NRXN3: variants seen among roughly 807,000 people sequenced by gnomAD.
The protein encoded by NRXN3 is neurexin III.
NRXN3 carries 32 observed loss-of-function variants against 137.6 expected under a neutral mutation model. The ratio of observed to expected loss-of-function variants is 0.23; its 90% CI spans 0.18 to 0.31. The LOEUF (loss-of-function observed/expected upper bound fraction) is 0.31, where lower values mean the gene tolerates loss of function less well. Ranked by LOEUF, NRXN3 falls within the 10% of genes least tolerant of loss-of-function variation. The probability of loss-of-function intolerance (pLI) is 1.00; values close to 1 mark genes in which losing one functional copy is unlikely to be tolerated. For missense variants in NRXN3, 1,574 were observed against 2,062.5 expected (o/e 0.76, Z 4.59); for synonymous variants, 798 against 784.5 (o/e 1.02, Z -0.29).
chr14:78,760,093 G>A (rs2098687235), intron 8 of NRXN3, among the ~76,000 whole-genome samples: 1 of 143,522 alleles, frequency 7.0e-6, no homozygotes, highest in South Asian at 2.3e-4. Flanking sequence ...CCTGGCTGGA[G>A]TGCAACGGAA....
At chr14:79,286,110 A>C (rs2082209323) in intron 15 of NRXN3, among the ~76,000 whole-genome samples, 1 of 152,120 alleles carries the variant, frequency 6.6e-6, no homozygotes, top group South Asian at 2.1e-4. Flanking sequence ...TCTGTGACTG[A>C]GTCCAGATCT....
chr14:79,231,905 G>T (rs1225902995), intron 15 of NRXN3, among the ~76,000 whole-genome samples: 1 of 152,142 alleles, frequency 6.6e-6, no homozygotes, highest in Non-Finnish European at 1.5e-5. Flanking sequence ...GGTCTAGGGG[G>T]TGATAGGAGA....
intron 16 of NRXN3, among the ~76,000 whole-genome samples, chr14:79,616,761 T>C (rs1030517924): frequency 6.6e-6 from 1 of 152,196 alleles, no homozygotes; most frequent in Non-Finnish European, 1.5e-5. Context: ...GGATCTGCCA[T>C]TGAAATTCAT....
chr14:78,461,122 T>A (rs1047330169), intron 4 of NRXN3, among the ~76,000 whole-genome samples: 16 of 152,344 alleles, frequency 1.1e-4, no homozygotes, highest in African/African-American at 3.6e-4. Context: ...TGTTTTCAAA[T>A]GTTCTAATAC....
intron 19 of NRXN3, among the ~76,000 whole-genome samples, chr14:79,714,276 A>C (rs1015839391): frequency 3.3e-5 from 5 of 152,224 alleles, no homozygotes; most frequent in African/African-American, 4.8e-5. Flanking sequence ...AAATAATTAC[A>C]CTAGGTACAA....
intron 4 of NRXN3, among the ~76,000 whole-genome samples, chr14:78,505,370 T>C (rs1039810033): frequency 3.9e-5 from 6 of 152,158 alleles, no homozygotes; most frequent in Non-Finnish European, 8.8e-5. Context: ...TCTTTGTAAT[T>C]CCATCAAGGA....
intron 10 of NRXN3, among the ~76,000 whole-genome samples, chr14:78,938,499 T>G (rs577083140): frequency 2.0e-4 from 31 of 152,334 alleles, no homozygotes; most frequent in African/African-American, 7.5e-4. Flanking sequence ...CAAACTCTCC[T>G]GACACCATCA....
chr14:79,328,997 T>C (rs1315146461), intron 15 of NRXN3, among the ~76,000 whole-genome samples: 2 of 152,208 alleles, frequency 1.3e-5, no homozygotes, highest in African/African-American at 4.8e-5. Context: ...GGTCAATTCA[T>C]GGAAGTAACA....
At chr14:79,674,876 A>C (rs1338141878) in intron 17 of NRXN3, among the ~76,000 whole-genome samples, 1 of 152,098 alleles carries the variant, frequency 6.6e-6, no homozygotes, top group Non-Finnish European at 1.5e-5. Context: ...CTTCATTCCA[A>C]ATGCCTCCAA....
At chr14:79,230,547 G>T (rs1195180258) in intron 15 of NRXN3, among the ~76,000 whole-genome samples, 1 of 152,146 alleles carries the variant, frequency 6.6e-6, no homozygotes, top group African/African-American at 2.4e-5. Flanking sequence ...AACCTTCTTG[G>T]TCTGGTTTAT....
chr14:79,238,396 T>C lies in NRXN3; in HGVS notation c.3263-228825T>C, dbSNP rs140764506. ...CCCTATAGAGACATATTCTCCCATGTAGGATGTGAGGCACTTGAGGAGTGA... is the reference window on the plus strand; with the variant it reads ...CCCTATAGAGACATATTCTCCCATGCAGGATGTGAGGCACTTGAGGAGTGA... On this transcript the variant is annotated intron_variant, in intron 15 of 20. Coordinates refer to ENST00000335750, the MANE Select transcript of NRXN3 (RefSeq NM_001330195.2). 2.4e-4 allele frequency among the ~76,000 whole-genome samples: 36 copies of C among 152,202 alleles called. No homozygotes were observed. In the East Asian group the frequency reaches 6.4e-3, roughly 27 times the overall value.
At chr14:78,508,264 C>G (rs2153786444) in intron 4 of NRXN3, among the ~76,000 whole-genome samples, 1 of 152,332 alleles carries the variant, frequency 6.6e-6, no homozygotes, top group Non-Finnish European at 1.5e-5. Context: ...CATTTAGAAT[C>G]TGGTGATGTA....
chr14:78,829,893 C>G (rs1179840826), intron 10 of NRXN3, among the ~76,000 whole-genome samples: 1 of 152,012 alleles, frequency 6.6e-6, no homozygotes, highest in African/African-American at 2.4e-5. Context: ...AGTGTCTTGC[C>G]TTAAAAGACA....
intron 15 of NRXN3, among the ~76,000 whole-genome samples, chr14:79,176,291 A>G (rs1001521612): frequency 1.3e-5 from 2 of 152,240 alleles, no homozygotes; most frequent in African/African-American, 4.8e-5. Flanking sequence ...AGCTTTAGGA[A>G]TCAGAAAGAG....
chr14:79,675,013 A>G (rs1310158647), intron 17 of NRXN3, among the ~76,000 whole-genome samples: 1 of 152,030 alleles, frequency 6.6e-6, no homozygotes, highest in Non-Finnish European at 1.5e-5. Flanking sequence ...TTGTTTTTGA[A>G]TCATCATAGC....
intron 4 of NRXN3, among the ~76,000 whole-genome samples, chr14:78,624,818 TG>T (rs1475335015): frequency 2.5e-4 from 36 of 146,386 alleles, no homozygotes; most frequent in Non-Finnish European, 4.6e-4. Flanking sequence ...TTTGTGTGTG[TG>T]TGTGTGTGTG....
rs140303299 is a variant in NRXN3 at position 79,796,723 on chromosome 14, C to T, written c.4015-8389C>T. ...CATTAGCAAAAGTTATTATAAGTCA[C>T]GTCATTCTTTATCCTGCTCTAGTAT... On this transcript the variant is annotated intron_variant, in intron 19 of 20. Transcript: ENST00000335750. 1.6e-3 allele frequency among the ~76,000 whole-genome samples: 244 copies of T among 152,172 alleles called. 1 individual carries two copies. Among genetic ancestry groups the T allele is most frequent in the African/African-American group, 3.5e-3 (147 of 41,516 alleles).
At chr14:78,472,471 T>C (rs1041165516) in intron 4 of NRXN3, among the ~76,000 whole-genome samples, 35 of 152,310 alleles carry the variant, frequency 2.3e-4, no homozygotes, top group Non-Finnish European at 7.3e-5. Context: ...AAATTGGTTC[T>C]ACCCTCCTGG....
chr14:78,857,280 C>G (rs2099060097), intron 10 of NRXN3, among the ~76,000 whole-genome samples: 1 of 150,700 alleles, frequency 6.6e-6, no homozygotes, highest in South Asian at 2.1e-4. Flanking sequence ...TCAACATTTA[C>G]ATTGGAAGAT....
Sources: gnomAD v4.1 joint callset for allele counts (sites outside exome capture counted in the v4.1 genomes callset) on GRCh38, gnomAD v4.1.1 for gene constraint, MANE v1.5 for transcripts, NCBI Gene and HGNC (gene_info 2026-07-23, HGNC 2026-07-21) for gene names.